PRIM2: variants seen among roughly 807,000 people sequenced by gnomAD.
The protein encoded by PRIM2 is DNA primase subunit 2.
A neutral mutation model predicts 67.3 loss-of-function variants in PRIM2; 39 were observed. The ratio of observed to expected loss-of-function variants is 0.58; its 90% confidence interval spans 0.45 to 0.76. PRIM2 has a LOEUF of 0.76. Among genes scored for constraint, PRIM2 ranks in the 30% least tolerant of loss-of-function variants. PRIM2 has a pLI of 0.00. For missense variants in PRIM2, 398 were observed against 598.7 expected (o/e 0.66, Z 3.50); for synonymous variants, 143 against 198.7 (o/e 0.72, Z 2.36).
intron 12 of PRIM2, among the ~76,000 whole-genome samples, chr6:57,627,306 A>AG (rs1158032269): frequency 1.3e-5 from 2 of 148,584 alleles, no homozygotes; most frequent in African/African-American, 5.0e-5. Context: ...AAAAAAAAAA[A>AG]AAGTTTAAAA....
At chr6:57,589,405 G>C (rs1776246987) in intron 10 of PRIM2, among the ~76,000 whole-genome samples, 1 of 152,016 alleles carries the variant, frequency 6.6e-6, no homozygotes. Flanking sequence ...GGAGGTGAGG[G>C]ACTGGAGGAG....
intron 5 of PRIM2, among the ~76,000 whole-genome samples, chr6:57,331,482 T>A (rs1768058002): frequency 6.6e-6 from 1 of 152,162 alleles, no homozygotes; most frequent in African/African-American, 2.4e-5. Flanking sequence ...TTGTGAAGGA[T>A]TGGTTTAAAT....
At chr6:57,629,386 T>C (rs1425982892) in intron 12 of PRIM2, among the ~76,000 whole-genome samples, 1 of 152,226 alleles carries the variant, frequency 6.6e-6, no homozygotes, top group Non-Finnish European at 1.5e-5. Flanking sequence ...TTATTTTATA[T>C]GATAGGTTTG....
chr6:57,444,500 G>A (rs1342407085), intron 7 of PRIM2, among the ~76,000 whole-genome samples: 2 of 151,510 alleles, frequency 1.3e-5, no homozygotes, highest in Non-Finnish European at 2.9e-5. Flanking sequence ...CTGGGAGGCA[G>A]AGGTTGCAGT....
At chr6:57,468,977 A>G (rs1304261414) in intron 7 of PRIM2, among the ~76,000 whole-genome samples, 1 of 152,080 alleles carries the variant, frequency 6.6e-6, no homozygotes, top group Admixed American at 6.5e-5. Context: ...GCTTGTTGCA[A>G]TTTTTGTTTG....
chr6:57,288,033 G>A, the PRIM2 span, among the ~76,000 whole-genome samples: 1 of 152,198 alleles, frequency 6.6e-6, no homozygotes, highest in African/African-American at 2.4e-5. Flanking sequence ...GGGAAGCTGT[G>A]ACAGTCTATA....
intron 7 of PRIM2, among the ~76,000 whole-genome samples, chr6:57,502,472 G>C (rs1404979556): frequency 2.0e-5 from 3 of 152,172 alleles, no homozygotes; most frequent in African/African-American, 7.2e-5. Context: ...ATGCCGGAAA[G>C]CTCCACCTTT....
chr6:57,453,094 G>A (rs1458637752), intron 7 of PRIM2, among the ~76,000 whole-genome samples: 6 of 152,140 alleles, frequency 3.9e-5, no homozygotes, highest in Non-Finnish European at 8.8e-5. Flanking sequence ...TGAGATGGTT[G>A]TAGATATGCG....
intron 5 of PRIM2, among the ~76,000 whole-genome samples, chr6:57,328,944 T>C (rs542981876): frequency 2.0e-5 from 3 of 152,350 alleles, no homozygotes; most frequent in African/African-American, 7.2e-5. Context: ...GTCATTTGTA[T>C]ATCATCTGTG....
the PRIM2 span, among the ~76,000 whole-genome samples, chr6:57,284,527 A>G: frequency 6.6e-6 from 1 of 152,182 alleles, no homozygotes; most frequent in East Asian, 1.9e-4. Flanking sequence ...CAAAATATAT[A>G]GACTGAAAAA....
chr6:57,460,538 C>T (rs9475994), intron 7 of PRIM2, among the ~76,000 whole-genome samples: 1 of 151,464 alleles, frequency 6.6e-6, no homozygotes, highest in Non-Finnish European at 1.5e-5. Flanking sequence ...TAAATGACTG[C>T]CATTTTAAAG....
intron 10 of PRIM2, among the ~76,000 whole-genome samples, chr6:57,574,053 T>C (rs1274987785): frequency 7.2e-5 from 11 of 151,914 alleles, no homozygotes; most frequent in Admixed American, 6.6e-4. Context: ...AACTAAATTC[T>C]AGGACCTTCA....
At chr6:57,306,449 G>T in the PRIM2 span, among the ~76,000 whole-genome samples, 1 of 152,182 alleles carries the variant, frequency 6.6e-6, no homozygotes, top group Non-Finnish European at 1.5e-5. Context: ...GTTATGGTAA[G>T]AACTTAGGTG....
intron 10 of PRIM2, among the ~76,000 whole-genome samples, chr6:57,585,588 CG>C (rs1165428320): frequency 1.3e-5 from 2 of 152,034 alleles, no homozygotes; most frequent in African/African-American, 4.8e-5. Context: ...GATACCAAGG[CG>C]GGTGTTGGAG....
chr6:57,311,899 T>C (rs1767399099), upstream of PRIM2, among the ~76,000 whole-genome samples: 1 of 151,430 alleles, frequency 6.6e-6, no homozygotes, highest in African/African-American at 2.4e-5. Flanking sequence ...TGGCGGCGCG[T>C]GCCTGGCAGG....
chr6:57,628,005 T>C (rs1240419466), intron 12 of PRIM2, among the ~76,000 whole-genome samples: 23 of 152,204 alleles, frequency 1.5e-4, no homozygotes, highest in Non-Finnish European at 3.1e-4. Flanking sequence ...TCTTTGGTAT[T>C]ATTGCAATAT....
intron 5 of PRIM2, among the ~76,000 whole-genome samples, chr6:57,366,267 G>C (rs957697923): frequency 2.6e-5 from 4 of 152,150 alleles, no homozygotes; most frequent in African/African-American, 7.2e-5. Flanking sequence ...GTGAAAGAAA[G>C]ACATGGTGCG....
At chr6:57,620,374 AC>A (rs1211413739) in intron 12 of PRIM2, among the ~76,000 whole-genome samples, 5 of 152,160 alleles carry the variant, frequency 3.3e-5, no homozygotes, top group East Asian at 1.9e-4. Context: ...CTCAGCAGAA[AC>A]CCTATAAGCT....
chr6:57,451,793 T>A (rs1371822174), intron 7 of PRIM2, among the ~76,000 whole-genome samples: 1 of 151,612 alleles, frequency 6.6e-6, no homozygotes, highest in Non-Finnish European at 1.5e-5. Context: ...TTTTTTTTTT[T>A]AATTATACTT....
Sources: gnomAD v4.1 joint callset for allele counts (sites outside exome capture counted in the v4.1 genomes callset) on GRCh38, gnomAD v4.1.1 for gene constraint, MANE v1.5 for transcripts, NCBI Gene and HGNC (gene_info 2026-07-23, HGNC 2026-07-21) for gene names.